The following NPHP4 variants were observed in gnomAD, a reference collection of about 807,000 sequenced individuals.
NPHP4 encodes the protein nephrocystin 4, also known as nephrocystin-4.
In NPHP4, 151 loss-of-function variants were observed where a neutral mutation model predicts 155.8. The ratio of observed to expected loss-of-function variants is 0.97; its 90% CI spans 0.85 to 1.11. The LOEUF (loss-of-function observed/expected upper bound fraction) is 1.11, where lower values mean the gene tolerates loss of function less well. NPHP4 is among the 50% of genes least tolerant of loss of function. The probability of loss-of-function intolerance (pLI) is 0.00; values close to 1 mark genes in which losing one functional copy is unlikely to be tolerated. For missense variants in NPHP4, 1,956 were observed against 1,925.7 expected (o/e 1.02, Z -0.29); for synonymous variants, 845 against 816.8 (o/e 1.03, Z -0.59).
chr1:5,880,079 CCCA>C, intron 19 of NPHP4, 32 bp downstream of exon 19: 1 of 1,611,788 alleles, frequency 6.2e-7, no homozygotes, highest in Non-Finnish European at 8.5e-7. Flanking sequence ...CCACTCACGA[CCCA>C]CCCACACATG....
Position 5,927,699 on chromosome 1 carries a change from C to T in NPHP4, c.1391G>A (p.Gly464Asp). The stretch of plus-strand genomic sequence containing the variant: ...GGAAGGCCGCCGCTCCACTTTGGGG[C>T]CACTGACAGGCTCCGTGGGTGCATC... ...HLDAPTEPVS[G>D]PKVERRPSRK... The change falls in exon 11 of 30, where the codon GGC (glycine) becomes GAC (aspartate). Residue 464 changes from glycine (G) to aspartate (D), a missense_variant. Gly to Asp is a moderately conservative substitution (Grantham distance 94). Coordinates refer to ENST00000378156, the MANE Select transcript of NPHP4 (RefSeq NM_015102.5). 6.2e-7 allele frequency: 1 copy of T among 1,613,392 alleles called. No individual in the cohort carries two copies. Among genetic ancestry groups the T allele is most frequent in the South Asian group, 1.1e-5 (1 of 91,072 alleles).
chr1:5,923,266 T>C (rs754558929), intron 11 of NPHP4, among the ~76,000 whole-genome samples: 15 of 152,194 alleles, frequency 9.9e-5, no homozygotes, highest in Admixed American at 2.0e-4. Context: ...AGTGATCAGA[T>C]TGACCCTCCC....
At chr1:5,974,602 C>T (rs768869522) in intron 3 of NPHP4, among the ~76,000 whole-genome samples, 1 of 151,602 alleles carries the variant, frequency 6.6e-6, no homozygotes, top group African/African-American at 2.4e-5. Flanking sequence ...TCAGAGAACA[C>T]AGAATTCTGA....
chr1:5,875,071 C>T lies in NPHP4; in HGVS notation c.2847G>A (p.Leu949=). The part of the protein sequence containing the change: ...LAQQSVRTQH[L]RDLQVIAAYR... ...AGGCGGCGATGACCTGTAGGTCCCG[C>T]AAGTGCTGTGTGCGGACGCTCTGCT... The change falls in exon 21 of 30, where the codon TTG becomes TTA. Residue 949 remains leucine (L), a synonymous_variant. Coordinates refer to ENST00000378156, the MANE Select transcript of NPHP4 (RefSeq NM_015102.5). 2 of 1,606,986 alleles carry T rather than the reference C, an allele frequency of 1.2e-6. No homozygotes were observed. The highest frequency in any genetic ancestry group is 8.5e-7 in the Non-Finnish European group (1 of 1,179,664).
intron 9 of NPHP4, among the ~76,000 whole-genome samples, chr1:5,934,776 G>A (rs1283997735): frequency 6.6e-6 from 1 of 152,184 alleles, no homozygotes; most frequent in Non-Finnish European, 1.5e-5. Flanking sequence ...GGACGCCCAT[G>A]CCCTGCCTAG....
intron 22 of NPHP4, chr1:5,873,750 C>T (rs1466405710): frequency 1.4e-5 from 4 of 287,218 alleles, no homozygotes; most frequent in South Asian, 1.0e-4. Flanking sequence ...CTCACGCACC[C>T]GGGCATGACA....
chr1:5,955,375 T>C (rs906833610), intron 6 of NPHP4, among the ~76,000 whole-genome samples: 1 of 152,254 alleles, frequency 6.6e-6, no homozygotes, highest in African/African-American at 2.4e-5. Flanking sequence ...GCAATCCTAC[T>C]ACTGAGTATA....
At position 5,905,890 on chromosome 1, in the gene NPHP4, T is replaced by A. The variant is rs541931639; in HGVS notation, c.1612-107A>T. The A allele has an allele frequency of 2.9e-6, 3 of 1,037,094 alleles. No individual in the cohort carries two copies. The highest frequency in any genetic ancestry group is 5.3e-5 in the East Asian group (2 of 38,090). The allele number at this position is 1,037,094 out of a possible 1,614,324, so 64.2% of individuals were successfully genotyped here. On this transcript the variant is annotated intron_variant, in intron 13 of 29. Transcript: ENST00000378156. This position sits in a 1 kb window ranked among gnomAD's most constrained non-coding sequence, Gnocchi z 4.0. The stretch of plus-strand genomic sequence containing the variant: ...TCATCGATTAATTGCCTCTGGAGGG[T>A]TGCCAGCTCTAGCAAATACAAAAGG...
Position 5,937,137 on chromosome 1 carries a change from G to A in NPHP4, c.1120-3808C>T, listed in dbSNP as rs1443315276. The stretch of plus-strand genomic sequence containing the variant: ...GTCCTGCCACACCTGGGGTTTCCTC[G>A]GAAGGAGCTCGGCCCGCCACACCTG... On this transcript the variant is annotated intron_variant, in intron 9 of 29. Coordinates refer to ENST00000378156, the MANE Select transcript of NPHP4 (RefSeq NM_015102.5). Among the ~76,000 whole-genome samples, 3 of 152,328 alleles carry A rather than the reference G, an allele frequency of 2.0e-5. No homozygotes were observed. The East Asian group carries it at 5.8e-4, about 29-fold the overall frequency.
Position 5,952,796 on chromosome 1 carries a change from C to T in NPHP4, c.714G>A (p.Thr238=), listed in dbSNP as rs1011986078. The T allele has an allele frequency of 3.1e-6, 5 of 1,596,628 alleles. No homozygotes were observed. Among genetic ancestry groups the T allele is most frequent in the Non-Finnish European group, 4.3e-6 (5 of 1,171,758 alleles). Residue 238 remains threonine (T), a synonymous_variant, in exon 7 of 30, where the codon ACG becomes ACA. Transcript: ENST00000378156. ...TGAAGAATAAGTCATCCAAGTGCCC[C>T]GTGATGGGCTTCTGGAGGCGAGGCT... ...LRKPRLQKPI[T]GHLDDLFFTL...
At position 5,877,151 on chromosome 1, in the gene NPHP4, C is replaced by G; in HGVS notation, c.2759G>C (p.Arg920Thr). The change falls in exon 20 of 30, where the codon AGG (arginine) becomes ACG (threonine). Residue 920 changes from arginine to threonine, a missense_variant. Arg to Thr is a moderately conservative substitution (Grantham distance 71). Coordinates refer to ENST00000378156, the MANE Select transcript of NPHP4 (RefSeq NM_015102.5). ...CCCGGCCTCCTGCAGGCGCACAGACCTCATCCGCTCCAGCTTACGCCTGCG... is the reference window on the plus strand; with the variant it reads ...CCCGGCCTCCTGCAGGCGCACAGACGTCATCCGCTCCAGCTTACGCCTGCG... ...ATRRRKLERM[R>T]SVRLQEAGGD... is the part of the protein sequence containing the mutation. 1 of 1,603,602 alleles carries G rather than the reference C, an allele frequency of 6.2e-7. No individual in the cohort carries two copies. Among genetic ancestry groups the G allele is most frequent in the African/African-American group, 1.3e-5 (1 of 74,928 alleles).
At chr1:5,920,723 CTTCT>C (rs1369292163) in intron 11 of NPHP4, among the ~76,000 whole-genome samples, 1 of 152,096 alleles carries the variant, frequency 6.6e-6, no homozygotes, top group African/African-American at 2.4e-5. Flanking sequence ...TTCTGTAATC[CTTCT>C]TTCTAATCTT....
In NPHP4 at chr1:5,987,427, AT is replaced by A. The variant is rs544187233; in HGVS notation, c.-38-1101del. ...GCTCTACAAGGTCAAAACTATTTTC[AT>A]GACACCCAGGTGTTATCTCTTTCAC... On this transcript the variant is annotated intron_variant, in intron 1 of 29. Coordinates refer to ENST00000378156, the MANE Select transcript of NPHP4 (RefSeq NM_015102.5). 5.5e-3 allele frequency among the ~76,000 whole-genome samples: 832 copies of A among 152,176 alleles called. 9 individuals carry two copies. Among genetic ancestry groups the A allele is most frequent in the African/African-American group, 0.018 (756 of 41,520 alleles).
intron 19 of NPHP4, chr1:5,879,253 T>C (rs1274528834): frequency 3.6e-6 from 1 of 275,384 alleles, no homozygotes; most frequent in Non-Finnish European, 7.1e-6. Flanking sequence ...ACACAGATGA[T>C]CTGCAACCTC....
At position 5,891,877 on chromosome 1, in the gene NPHP4, C is replaced by T. The variant is rs963867784; in HGVS notation, c.2144-849G>A. The stretch of plus-strand genomic sequence containing the variant: ...CACAGGATGACCACAGACCACATTC[C>T]ATCTGCGTTTCTCAAGACCAGAGGA... On this transcript the variant is annotated intron_variant, in intron 16 of 29. Transcript: ENST00000378156. 2.0e-5 allele frequency among the ~76,000 whole-genome samples: 3 copies of T among 152,204 alleles called. No homozygotes were observed. In the South Asian group the frequency reaches 6.2e-4, roughly 31 times the overall value.
At chr1:5,990,594 A>G (rs1044236003) in intron 1 of NPHP4, among the ~76,000 whole-genome samples, 2 of 152,176 alleles carry the variant, frequency 1.3e-5, no homozygotes, top group Non-Finnish European at 2.9e-5. Context: ...GAACACTGAG[A>G]CTCAGAAAGG....
chr1:5,922,542 G>A (rs1161374537), intron 11 of NPHP4, among the ~76,000 whole-genome samples: 1 of 147,076 alleles, frequency 6.8e-6, no homozygotes, highest in Admixed American at 6.8e-5. Context: ...CTTGACTATG[G>A]TTTTTTTTTT....
intron 9 of NPHP4, among the ~76,000 whole-genome samples, chr1:5,941,287 G>GA (rs1646799723): frequency 9.2e-5 from 1 of 10,852 alleles, no homozygotes; most frequent in African/African-American, 4.0e-4. Flanking sequence ...AAGAGATCTA[G>GA]ACAAAAAAAA....
At chr1:5,919,209 G>T (rs912672058) in intron 11 of NPHP4, among the ~76,000 whole-genome samples, 3 of 152,062 alleles carry the variant, frequency 2.0e-5, no homozygotes, top group Non-Finnish European at 2.9e-5. Flanking sequence ...TCTATAATTG[G>T]GCCTCAATTG....
Sources: gnomAD v4.1 joint callset for allele counts (sites outside exome capture counted in the v4.1 genomes callset) on GRCh38, gnomAD v4.1.1 for gene constraint, Gnocchi (gnomAD v3.1) non-coding constraint, MANE v1.5 for transcripts, NCBI Gene and HGNC (gene_info 2026-07-23, HGNC 2026-07-21) for gene names.